The following SRPK2 variants were observed in gnomAD, a reference collection of about 807,000 sequenced individuals.
SRPK2 encodes the protein SRSF protein kinase 2.
SRPK2 carries 21 observed loss-of-function variants against 90.8 expected under a neutral mutation model. The observed-to-expected ratio is 0.23, with a 90% CI of 0.16 to 0.33. The LOEUF is 0.33. Among genes scored for constraint, SRPK2 ranks in the 10% least tolerant of loss-of-function variants. The pLI, the probability that SRPK2 is intolerant of heterozygous loss-of-function variation, is 1.00. For missense variants in SRPK2, 620 were observed against 869.0 expected, an observed-to-expected ratio of 0.71 and a Z score of 3.60; for synonymous variants, 288 against 311.1, an observed-to-expected ratio of 0.93 and a Z score of 0.78.
Position 105,158,516 on chromosome 7 carries a change from G to T in SRPK2, c.621+1991C>A, listed in dbSNP as rs139417847. On this transcript the variant is annotated intron_variant, in intron 7 of 15. Coordinates refer to ENST00000393651, the MANE Select transcript of SRPK2 (RefSeq NM_182692.3). ...GATCCACCCGCCTTGGCCGCCCAAA[G>T]TGCTGGGATTACAAGCGTGAGCCAC... is the stretch of plus-strand genomic sequence containing the variant. Among the ~76,000 whole-genome samples, 220 of 152,278 alleles carry T rather than the reference G, an allele frequency of 1.4e-3. 1 individual carries two copies. The highest frequency in any genetic ancestry group is 4.5e-3 in the African/African-American group (188 of 41,558).
At position 105,142,682 on chromosome 7, in the gene SRPK2, C is replaced by T. The variant is rs56093455; in HGVS notation, c.1061-192G>A. ...TTTCATTCATTTAGTAATTGGCCTGCTCTTATAAGAAAAAGTTAGCTTTAA... is the reference window on the plus strand; with the variant it reads ...TTTCATTCATTTAGTAATTGGCCTGTTCTTATAAGAAAAAGTTAGCTTTAA... On this transcript the variant is annotated intron_variant, in intron 10 of 15. Transcript: ENST00000393651. Among the ~76,000 whole-genome samples the T allele has an allele frequency of 3.4e-3, 512 of 152,260 alleles. 2 individuals carry two copies. The highest frequency in any genetic ancestry group is 0.012 in the African/African-American group (478 of 41,550).
chr7:105,137,799 T>C lies in SRPK2; in HGVS notation c.1543+4209A>G, dbSNP rs2129575844. 2.0e-5 allele frequency among the ~76,000 whole-genome samples: 3 copies of C among 150,328 alleles called. No individual in the cohort carries two copies. The South Asian group carries it at 6.3e-4, about 32-fold the overall frequency. ...CTTTCTTCTACTATGCCCTAACATG[T>C]ACATTCTGCCCTAAAGTCAGGATCT... On this transcript the variant is annotated intron_variant, in intron 11 of 15. Coordinates refer to ENST00000393651, the MANE Select transcript of SRPK2 (RefSeq NM_182692.3).
chr7:105,300,254 CA>C (rs35542004), intron 2 of SRPK2, among the ~76,000 whole-genome samples: 76 of 76,272 alleles, frequency 1.0e-3, no homozygotes, highest in East Asian at 9.3e-3. Context: ...GACTCCATCT[CA>C]AAAAAAAAAA....
chr7:105,154,236 G>C (rs879639272), intron 7 of SRPK2, among the ~76,000 whole-genome samples: 2 of 152,206 alleles, frequency 1.3e-5, no homozygotes, highest in Non-Finnish European at 2.9e-5. Context: ...ACTGCACAAA[G>C]CAATGGCTCA....
At chr7:105,205,735 C>A (rs1796151703) in intron 2 of SRPK2, among the ~76,000 whole-genome samples, 2 of 152,266 alleles carry the variant, frequency 1.3e-5, no homozygotes, top group South Asian at 4.2e-4. Flanking sequence ...AAGTAAGGAA[C>A]TTCAGTAGTT....
chr7:105,386,206 C>T (rs1821572255), intron 2 of SRPK2, among the ~76,000 whole-genome samples: 1 of 151,006 alleles, frequency 6.6e-6, no homozygotes, highest in African/African-American at 2.4e-5. Context: ...CCCAGCTACT[C>T]AGGAGGCTGA....
intron 2 of SRPK2, among the ~76,000 whole-genome samples, chr7:105,272,735 C>T (rs1254868553): frequency 6.6e-6 from 1 of 152,258 alleles, no homozygotes. Flanking sequence ...CCCAGAACCA[C>T]ATATCCTCCA....
intron 2 of SRPK2, chr7:105,298,707 C>T: frequency 2.0e-6 from 2 of 985,312 alleles, no homozygotes; most frequent in Non-Finnish European, 2.4e-6. Flanking sequence ...TAAAATAGTT[C>T]ATCCCCATCC....
intron 2 of SRPK2, among the ~76,000 whole-genome samples, chr7:105,296,304 A>G (rs547603745): frequency 2.4e-4 from 36 of 152,326 alleles, no homozygotes; most frequent in Non-Finnish European, 4.3e-4. Flanking sequence ...TTTGATTTCT[A>G]GTATTCAGTC....
In SRPK2 at chr7:105,258,417, C is replaced by CAAAA. The variant is rs33941320; in HGVS notation, c.72-54636_72-54633dup. Among the ~76,000 whole-genome samples the CAAAA allele has an allele frequency of 2.7e-3, 333 of 121,594 alleles. 1 individual carries two copies. Among genetic ancestry groups the CAAAA allele is most frequent in the African/African-American group, 9.7e-3 (310 of 31,872 alleles). The allele number at this position is 121,594 out of a possible 152,430, so 79.8% of individuals were successfully genotyped here. A position where few individuals can be genotyped will look rare whatever the true frequency, so the allele number is the denominator to read the frequency against. ...GGGTAACAAGAGCGAAACTCGGTCT[C>CAAAA]AAAAAAAAAAAAAAAAAAGAAAGAA... On this transcript the variant is annotated intron_variant, in intron 2 of 15. Coordinates refer to ENST00000393651, the MANE Select transcript of SRPK2 (RefSeq NM_182692.3).
intron 2 of SRPK2, among the ~76,000 whole-genome samples, chr7:105,331,200 G>A (rs868603433): frequency 2.0e-5 from 3 of 150,326 alleles, no homozygotes; most frequent in Non-Finnish European, 3.0e-5. Context: ...TCCCAGCTAC[G>A]TGGGAGGCTG....
At chr7:105,278,664 C>T (rs1040618450) in intron 2 of SRPK2, among the ~76,000 whole-genome samples, 24 of 148,240 alleles carry the variant, frequency 1.6e-4, no homozygotes, top group African/African-American at 5.5e-4. Context: ...CCAGCCTGGG[C>T]GACAGAGCCA....
At chr7:105,365,589 A>G (rs1818951234) in intron 2 of SRPK2, among the ~76,000 whole-genome samples, 1 of 150,534 alleles carries the variant, frequency 6.6e-6, no homozygotes. Context: ...TCAAGGCAGG[A>G]GAATCGAAGA....
intron 7 of SRPK2, among the ~76,000 whole-genome samples, chr7:105,155,447 C>T (rs775496712): frequency 1.1e-4 from 17 of 152,210 alleles, no homozygotes; most frequent in Admixed American, 6.5e-5. Flanking sequence ...CACAATACAC[C>T]TTACACTTTC....
chr7:105,323,766 A>C (rs1054072995), intron 2 of SRPK2, among the ~76,000 whole-genome samples: 1 of 152,200 alleles, frequency 6.6e-6, no homozygotes, highest in Non-Finnish European at 1.5e-5. Flanking sequence ...ATGGTACTAC[A>C]TAATCAACAC....
At chr7:105,390,011 C>A (rs1233643319), upstream of SRPK2, among the ~76,000 whole-genome samples, 1 of 152,140 alleles carries the variant, frequency 6.6e-6, no homozygotes, top group African/African-American at 2.4e-5. Context: ...AAGGAAAATA[C>A]AATTAACAGC....
At chr7:105,125,786 T>C (rs1801108421) in intron 15 of SRPK2, 2 of 1,271,988 alleles carry the variant, frequency 1.6e-6, no homozygotes, top group African/African-American at 3.1e-5. Flanking sequence ...CGTTACCTTT[T>C]CTGGTGAAAA....
chr7:105,255,340 T>C (rs1334909260), intron 2 of SRPK2, among the ~76,000 whole-genome samples: 1 of 151,980 alleles, frequency 6.6e-6, no homozygotes, highest in Non-Finnish European at 1.5e-5. Flanking sequence ...TGCATCTGAC[T>C]ATCCTCCATC....
chr7:105,167,377 G>A lies in SRPK2; in HGVS notation c.514C>T (p.His172Tyr). The A allele has an allele frequency of 6.2e-7, 1 of 1,609,050 alleles. No individual in the cohort carries two copies. The highest frequency in any genetic ancestry group is 8.5e-7 in the Non-Finnish European group (1 of 1,175,974). The change falls in exon 6 of 16, where the codon CAT becomes TAT. Residue 172 changes from histidine to tyrosine, a missense_variant and splice_region_variant. By Grantham distance (83) the His-to-Tyr change is moderately conservative (BLOSUM62 2). Around this residue, in one of 8 missense-constraint regions of SRPK2, gnomAD observed 196 missense variants for 339.2 expected, o/e 0.58. Transcript: ENST00000393651. ...DFKISGMNGIHVCMVFEVLGH... is the reference protein window; with the variant it reads ...DFKISGMNGIYVCMVFEVLGH... ...AAATAAATCAGGAAGTAAAGGATAC[G>A]TATCCCATTCATGCCTGAAATCTTG...
Sources: allele counts gnomAD v4.1 joint callset (sites outside exome capture counted in the v4.1 genomes callset), GRCh38; gene constraint gnomAD v4.1.1; regional missense constraint gnomAD v4.1.1; transcripts MANE v1.5; gene names NCBI Gene and HGNC (gene_info 2026-07-23, HGNC 2026-07-21).